The following PTPRD variants were observed in gnomAD, a reference collection of about 807,000 sequenced individuals.
The protein encoded by PTPRD is protein tyrosine phosphatase receptor type D.
A neutral mutation model predicts 214.5 loss-of-function variants in PTPRD; 34 were observed. The observed-to-expected ratio is 0.16, with a 90% CI of 0.12 to 0.21. The LOEUF is 0.21. Ranked by LOEUF, PTPRD falls within the 10% of genes least tolerant of loss-of-function variation. PTPRD has a pLI of 1.00. For missense variants in PTPRD, 2,545 were observed against 2,398.7 expected, an observed-to-expected ratio of 1.06 and a Z score of -1.27; for synonymous variants, 1,128 against 845.7, an observed-to-expected ratio of 1.33 and a Z score of -5.79.
chr9:8,496,058 A>T (rs1419640922), intron 26 of PTPRD, among the ~76,000 whole-genome samples: 1 of 152,048 alleles, frequency 6.6e-6, no homozygotes, highest in Non-Finnish European at 1.5e-5. Context: ...CTTCATTTAT[A>T]TCAAATTGTC....
At chr9:9,382,665 A>G (rs2062686141) in intron 9 of PTPRD, among the ~76,000 whole-genome samples, 1 of 152,128 alleles carries the variant, frequency 6.6e-6, no homozygotes, top group Non-Finnish European at 1.5e-5. Context: ...AGTGTCCATG[A>G]GGGGACAGAG....
chr9:9,889,881 G>C lies in PTPRD; in HGVS notation c.-368+48626C>G, dbSNP rs545895628. Among the ~76,000 whole-genome samples the C allele has an allele frequency of 2.0e-5, 3 of 152,004 alleles. No individual in the cohort carries two copies. The South Asian group carries it at 6.2e-4, about 32-fold the overall frequency. On this transcript the variant is annotated intron_variant, in intron 5 of 45. Coordinates refer to ENST00000381196, the MANE Select transcript of PTPRD (RefSeq NM_002839.4). Reference sequence around the variant, plus strand: ...TTCTGAAGGGTGCACGGGTTCTCCAGTGGCCACTGCCAGCAGTACATGGTA... The same window carrying C: ...TTCTGAAGGGTGCACGGGTTCTCCACTGGCCACTGCCAGCAGTACATGGTA...
intron 2 of PTPRD, among the ~76,000 whole-genome samples, chr9:10,568,731 A>T (rs549284615): frequency 1.3e-5 from 2 of 152,198 alleles, no homozygotes; most frequent in African/African-American, 4.8e-5. Context: ...GTAGAAAGCT[A>T]AAACTGGATC....
chr9:9,419,042 G>A (rs1290718790), intron 8 of PTPRD, among the ~76,000 whole-genome samples: 1 of 151,088 alleles, frequency 6.6e-6, no homozygotes, highest in Non-Finnish European at 1.5e-5. Flanking sequence ...AATTGAATGA[G>A]AACACACATA....
chr9:8,573,929 T>C (rs188863521), intron 14 of PTPRD, among the ~76,000 whole-genome samples: 248 of 152,116 alleles, frequency 1.6e-3, no homozygotes, highest in African/African-American at 5.6e-3. Context: ...ATTTCTCTAA[T>C]GCATATTTTA....
chr9:8,653,748 T>C (rs532836439), intron 12 of PTPRD, among the ~76,000 whole-genome samples: 1 of 152,306 alleles, frequency 6.6e-6, no homozygotes, highest in African/African-American at 2.4e-5. Context: ...CATCAACAGA[T>C]AAAATAATGC....
chr9:9,806,470 C>T (rs571935990), intron 5 of PTPRD, among the ~76,000 whole-genome samples: 11 of 152,068 alleles, frequency 7.2e-5, no homozygotes, highest in Non-Finnish European at 1.3e-4. Context: ...ATACACCCTC[C>T]CCGCCCTTGT....
intron 10 of PTPRD, among the ~76,000 whole-genome samples, chr9:9,083,318 T>C (rs2099761966): frequency 6.6e-6 from 1 of 152,144 alleles, no homozygotes; most frequent in Non-Finnish European, 1.5e-5. Context: ...CCCTATTTAA[T>C]AATCCTGGTG....
intron 5 of PTPRD, among the ~76,000 whole-genome samples, chr9:9,927,291 A>G (rs1415401307): frequency 6.6e-6 from 1 of 151,992 alleles, no homozygotes; most frequent in Non-Finnish European, 1.5e-5. Flanking sequence ...ACCTAAATCA[A>G]TCTCTGTGTT....
chr9:8,617,444 A>G (rs2095649943), intron 14 of PTPRD, among the ~76,000 whole-genome samples: 1 of 152,072 alleles, frequency 6.6e-6, no homozygotes. Flanking sequence ...TACATAAGTA[A>G]TTTATTCCTA....
chr9:10,201,256 T>C (rs1403863802), intron 3 of PTPRD, among the ~76,000 whole-genome samples: 1 of 152,010 alleles, frequency 6.6e-6, no homozygotes, highest in Non-Finnish European at 1.5e-5. Flanking sequence ...GAAACATTGA[T>C]TTAGAAAATC....
intron 4 of PTPRD, among the ~76,000 whole-genome samples, chr9:9,981,430 G>C (rs549722126): frequency 5.5e-4 from 83 of 150,590 alleles, no homozygotes; most frequent in African/African-American, 2.0e-3. Context: ...TCTCGGCTCA[G>C]TGCAAGCTCC....
At position 8,895,747 on chromosome 9, in the gene PTPRD, C is replaced by T. The variant is rs540215833; in HGVS notation, c.-104+122950G>A. 1.5e-4 allele frequency among the ~76,000 whole-genome samples: 23 copies of T among 152,292 alleles called. 1 individual carries two copies. Among genetic ancestry groups the T allele is most frequent in the African/African-American group, 4.6e-4 (19 of 41,574 alleles). Reference sequence around the variant, plus strand: ...GAGTGCTGCTGAAATGTGAGACACTCCTCCAGACTTTAGTTTACTGTGTAA... The same window carrying T: ...GAGTGCTGCTGAAATGTGAGACACTTCTCCAGACTTTAGTTTACTGTGTAA... On this transcript the variant is annotated intron_variant, in intron 11 of 45. Transcript: ENST00000381196.
chr9:8,973,258 A>G (rs1201307653), intron 11 of PTPRD, among the ~76,000 whole-genome samples: 7 of 151,622 alleles, frequency 4.6e-5, no homozygotes, highest in African/African-American at 1.5e-4. Context: ...ATTTTTTTCC[A>G]TATTTATGTC....
chr9:9,531,005 T>C (rs1313987825), intron 8 of PTPRD, among the ~76,000 whole-genome samples: 2 of 152,180 alleles, frequency 1.3e-5, no homozygotes, highest in East Asian at 3.9e-4. Flanking sequence ...TAAGCAATGA[T>C]ATTTTGTATA....
intron 11 of PTPRD, among the ~76,000 whole-genome samples, chr9:8,837,199 G>A (rs1186436268): frequency 6.6e-6 from 1 of 151,660 alleles, no homozygotes; most frequent in African/African-American, 2.4e-5. Flanking sequence ...ATTTTCAGTA[G>A]AGACAGAGTT....
chr9:9,518,451 A>G (rs2096888138), intron 8 of PTPRD, among the ~76,000 whole-genome samples: 1 of 152,122 alleles, frequency 6.6e-6, no homozygotes, highest in Non-Finnish European at 1.5e-5. Context: ...AATTTCAGTC[A>G]TATAACAAAA....
At chr9:9,782,781 G>A (rs772796733) in intron 5 of PTPRD, among the ~76,000 whole-genome samples, 2 of 152,054 alleles carry the variant, frequency 1.3e-5, no homozygotes, top group South Asian at 2.1e-4. Context: ...ACAAGTTATC[G>A]AAATTTGAAA....
intron 4 of PTPRD, among the ~76,000 whole-genome samples, chr9:9,948,394 G>A (rs1022057682): frequency 5.9e-5 from 9 of 151,876 alleles, no homozygotes; most frequent in East Asian, 1.9e-4. Flanking sequence ...TGGCCTCACC[G>A]TACTCCATTC....
Sources: gnomAD v4.1 joint callset for allele counts (sites outside exome capture counted in the v4.1 genomes callset) on GRCh38, gnomAD v4.1.1 for gene constraint, MANE v1.5 for transcripts, NCBI Gene and HGNC (gene_info 2026-07-23, HGNC 2026-07-21) for gene names.